Variants in CAB39L observed in about 807,000 individuals in gnomAD.
The protein encoded by CAB39L is calcium-binding protein 39-like.
Under a neutral mutation model 39.1 loss-of-function variants are expected in CAB39L, and 23 were observed. The observed-to-expected ratio is 0.59, with a 90% CI of 0.42 to 0.83. The LOEUF is 0.83. Among genes scored for constraint, CAB39L ranks in the 40% least tolerant of loss-of-function variants. The pLI is 0.00. For synonymous variants in CAB39L, 126 were observed against 137.2 expected (o/e 0.92, Z 0.57); for missense variants, 366 against 391.9 (o/e 0.93, Z 0.56).
chr13:49,316,341 C>T (rs1954157550), intron 10 of CAB39L, among the ~76,000 whole-genome samples: 1 of 152,044 alleles, frequency 6.6e-6, no homozygotes, highest in Non-Finnish European at 1.5e-5. Context: ...TCAGTAACTT[C>T]CAACAAAAAA....
At position 49,371,447 on chromosome 13, in the gene CAB39L, A is replaced by T. The variant is rs564335253; in HGVS notation, c.276+5520T>A. Among the ~76,000 whole-genome samples, 3 of 152,318 alleles carry T rather than the reference A, an allele frequency of 2.0e-5. No individual in the cohort carries two copies. In the South Asian group the frequency reaches 6.2e-4, roughly 32 times the overall value. On this transcript the variant is annotated intron_variant, in intron 5 of 10. Coordinates refer to ENST00000409308, the MANE Select transcript of CAB39L (RefSeq NM_001079670.3). ...TTAGGTATCCCAAAATGCTGGGATTACAGACGTAAGCCACCACGCCTGGCC... is the reference window on the plus strand; with the variant it reads ...TTAGGTATCCCAAAATGCTGGGATTTCAGACGTAAGCCACCACGCCTGGCC...
At chr13:49,315,707 A>T (rs1280861433) in intron 10 of CAB39L, among the ~76,000 whole-genome samples, 2 of 152,028 alleles carry the variant, frequency 1.3e-5, no homozygotes, top group Non-Finnish European at 2.9e-5. Flanking sequence ...CAACATGGTG[A>T]AACCCTCTGT....
At chr13:49,336,994 GA>G (rs1954866865) in intron 9 of CAB39L, among the ~76,000 whole-genome samples, 1 of 152,106 alleles carries the variant, frequency 6.6e-6, no homozygotes, top group African/African-American at 2.4e-5. Context: ...ACACAAAGGG[GA>G]AACTCAATAA....
At chr13:49,442,787 C>CAAAAAAAAAAAAAAAAAAAAAAA (rs71078844) in intron 1 of CAB39L, among the ~76,000 whole-genome samples, 3 of 103,690 alleles carry the variant, frequency 2.9e-5, no homozygotes, top group African/African-American at 5.2e-5. Flanking sequence ...GACTCCATCT[C>CAAAAAAAAAAAAAAAAAAAAAAA]AAAAAAAAAA....
intron 3 of CAB39L, among the ~76,000 whole-genome samples, chr13:49,422,689 C>T (rs1957188203): frequency 6.6e-6 from 1 of 151,122 alleles, no homozygotes; most frequent in Non-Finnish European, 1.5e-5. Flanking sequence ...GTTCAGTGAT[C>T]CTCCCACCTC....
Position 49,347,441 on chromosome 13 carries a change from G to T in CAB39L, c.565-3203C>A, listed in dbSNP as rs181290405. On this transcript the variant is annotated intron_variant, in intron 7 of 10. Transcript: ENST00000409308. ...GTATTTGCTTTCCTCCTCTATTGGC[G>T]TTTGTTCTATGTTTGTAATTATGTG... Among the ~76,000 whole-genome samples the T allele has an allele frequency of 2.3e-4, 35 of 152,122 alleles. 1 individual carries two copies. The South Asian group carries it at 2.7e-3, about 12-fold the overall frequency.
intron 3 of CAB39L, among the ~76,000 whole-genome samples, chr13:49,395,184 CTT>C (rs375335698): frequency 6.9e-6 from 1 of 145,126 alleles, no homozygotes; most frequent in Non-Finnish European, 1.5e-5. Flanking sequence ...AACAAATAAC[CTT>C]TTTTTTTTAA....
At chr13:49,441,683 C>T (rs1957527581) in intron 1 of CAB39L, among the ~76,000 whole-genome samples, 1 of 152,248 alleles carries the variant, frequency 6.6e-6, no homozygotes, top group South Asian at 2.1e-4. Flanking sequence ...CAAATAAAAT[C>T]GCTATAAATA....
chr13:49,392,615 C>A (rs1956514023), intron 3 of CAB39L, among the ~76,000 whole-genome samples: 1 of 151,936 alleles, frequency 6.6e-6, no homozygotes, highest in African/African-American at 2.4e-5. Flanking sequence ...TACTTCCAGC[C>A]TGGGCGACAG....
At chr13:49,313,654 A>G (rs1228930148) in intron 10 of CAB39L, among the ~76,000 whole-genome samples, 3 of 152,110 alleles carry the variant, frequency 2.0e-5, no homozygotes, top group Non-Finnish European at 4.4e-5. Flanking sequence ...TATTTTGTAA[A>G]AGACACACTC....
At chr13:49,313,210 G>A (rs957805757) in intron 10 of CAB39L, among the ~76,000 whole-genome samples, 23 of 152,220 alleles carry the variant, frequency 1.5e-4, no homozygotes, top group Admixed American at 7.2e-4. Context: ...GGCCAGGCGC[G>A]GTGGCTCATG....
At chr13:49,430,189 C>T (rs1735484639) in intron 3 of CAB39L, among the ~76,000 whole-genome samples, 1 of 152,118 alleles carries the variant, frequency 6.6e-6, no homozygotes, top group Non-Finnish European at 1.5e-5. Flanking sequence ...TTTAGTTGCA[C>T]AATTCAAAAA....
intron 5 of CAB39L, among the ~76,000 whole-genome samples, chr13:49,372,972 T>G (rs1955961292): frequency 6.6e-6 from 1 of 152,210 alleles, no homozygotes; most frequent in Non-Finnish European, 1.5e-5. Flanking sequence ...TGCGCCGGCC[T>G]CAACATGTAT....
intron 1 of CAB39L, among the ~76,000 whole-genome samples, chr13:49,435,901 G>A (rs567592948): frequency 1.3e-5 from 2 of 152,154 alleles, no homozygotes; most frequent in Admixed American, 1.3e-4. Context: ...ATTTTACGAA[G>A]GTGTTTTCAT....
chr13:49,382,837 A>T lies in CAB39L; in HGVS notation c.74T>A (p.Leu25Ter). 2 of 1,611,736 alleles carry T rather than the reference A, an allele frequency of 1.2e-6. No individual in the cohort carries two copies. The highest frequency in any genetic ancestry group is 1.7e-6 in the Non-Finnish European group (2 of 1,178,990). Residue 25 changes from leucine to a stop codon, truncating the protein, a stop_gained, in exon 4 of 11, where the codon TTG becomes TAG. Transcript: ENST00000409308. LOFTEE classifies it high-confidence loss of function. ...TTTGTCTTGCTTTTCCAAAATGGCC[A>T]AATTGTCTTTCAGGATTTTCACAAT... is the stretch of plus-strand genomic sequence containing the variant. The part of the protein sequence containing the change: ...AEIVKILKDN[L>*]AILEKQDKKT...
intron 3 of CAB39L, among the ~76,000 whole-genome samples, chr13:49,404,930 T>G (rs1363571587): frequency 6.6e-6 from 1 of 152,160 alleles, no homozygotes; most frequent in East Asian, 1.9e-4. Flanking sequence ...CTACAGGATC[T>G]AGAAAATAGC....
intron 8 of CAB39L, among the ~76,000 whole-genome samples, chr13:49,341,722 A>C (rs1955013673): frequency 6.6e-6 from 1 of 152,210 alleles, no homozygotes; most frequent in African/African-American, 2.4e-5. Context: ...AATAGCTAGA[A>C]GAGAAGATTT....
chr13:49,337,141 A>C (rs1249309701), intron 9 of CAB39L, among the ~76,000 whole-genome samples: 3 of 152,228 alleles, frequency 2.0e-5, no homozygotes, highest in East Asian at 3.8e-4. Context: ...TACAAAACAG[A>C]TTGACTTTAT....
chr13:49,367,020 A>G (rs932271412), intron 5 of CAB39L, among the ~76,000 whole-genome samples: 10 of 152,158 alleles, frequency 6.6e-5, no homozygotes, highest in African/African-American at 2.4e-4. Flanking sequence ...CAAGCAATCT[A>G]ATTAGAAAAT....
Sources: gnomAD v4.1 joint callset for allele counts (sites outside exome capture counted in the v4.1 genomes callset) on GRCh38, gnomAD v4.1.1 for gene constraint, MANE v1.5 for transcripts, NCBI Gene and HGNC (gene_info 2026-07-23, HGNC 2026-07-21) for gene names.